FREM1: variants seen among roughly 807,000 people sequenced by gnomAD.
FREM1 encodes the protein FRAS1 related extracellular matrix 1.
FREM1 carries 220 observed loss-of-function variants against 210.1 expected under a neutral mutation model. The ratio of observed to expected loss-of-function variants is 1.05; its 90% confidence interval spans 0.94 to 1.17. The LOEUF (loss-of-function observed/expected upper bound fraction) is 1.17. FREM1 is among the 50% of genes most tolerant of loss of function. FREM1 has a pLI of 0.00. For synonymous variants in FREM1, 1,189 were observed against 980.2 expected (o/e 1.21, Z -3.98); for missense variants, 3,454 against 2,675.5 (o/e 1.29, Z -6.42).
At chr9:14,907,500 C>G (rs1478552232) in intron 1 of FREM1, among the ~76,000 whole-genome samples, 2 of 152,182 alleles carry the variant, frequency 1.3e-5, no homozygotes, top group African/African-American at 2.4e-5. Flanking sequence ...AAGCCCTGTT[C>G]AGACCACCCA....
At chr9:14,749,187 T>C (rs545672966) in intron 30 of FREM1, among the ~76,000 whole-genome samples, 1 of 152,120 alleles carries the variant, frequency 6.6e-6, no homozygotes, top group African/African-American at 2.4e-5. Context: ...CATAAAAAAT[T>C]TGAGGGCAAA....
chr9:14,856,287 G>A lies in FREM1; in HGVS notation c.828+1266C>T, dbSNP rs1198279700. Among the ~76,000 whole-genome samples, 5 of 152,182 alleles carry A rather than the reference G, an allele frequency of 3.3e-5. No individual in the cohort carries two copies. In the East Asian group the frequency reaches 9.6e-4, roughly 29 times the overall value. On this transcript the variant is annotated intron_variant, in intron 5 of 36. Coordinates refer to ENST00000380880, the MANE Select transcript of FREM1 (RefSeq NM_001379081.2). ...TGAACCCAGGCAATCTGGGCCCAGC[G>A]TCCATGCTCTTAACTATTATTTGGA...
chr9:14,834,423 G>A (rs1191050471), intron 10 of FREM1, among the ~76,000 whole-genome samples: 3 of 152,118 alleles, frequency 2.0e-5, no homozygotes, highest in Non-Finnish European at 4.4e-5. Context: ...GTTACAAAAG[G>A]TTTGTAAAAA....
chr9:14,841,665 C>G, intron 9 of FREM1, 76 bp from the exon 10 acceptor site: 1 of 1,157,358 alleles, frequency 8.6e-7, no homozygotes, highest in Non-Finnish European at 1.2e-6. Flanking sequence ...TTGGACTTAT[C>G]TTCAAAAGTC....
rs984541161 is a variant in FREM1, at chr9:14,816,785, T to C, written c.2633A>G (p.His878Arg). Residue 878 changes from histidine to arginine, a missense_variant, in exon 15 of 37, where the codon CAT becomes CGT. Transcript: ENST00000380880. The part of the protein sequence containing the change: ...DGTNSAEFVL[H>R]VEVFPVNDEP... ...AAGAAACTTTCTACCCACCTCAACA[T>C]GTAGTACAAATTCTGCTGAATTTGT... The C allele has an allele frequency of 1.4e-6, 2 of 1,405,560 alleles. No individual in the cohort carries two copies. The highest frequency in any genetic ancestry group is 2.0e-5 in the Admixed American group (1 of 49,448). 87.1% of individuals were successfully genotyped at this position (1,405,560 alleles called of 1,614,324 possible). A position where few individuals can be genotyped will look rare whatever the true frequency, so the allele number is the denominator to read the frequency against.
intron 1 of FREM1, among the ~76,000 whole-genome samples, chr9:14,885,329 A>T (rs1286284621): frequency 1.3e-5 from 2 of 152,060 alleles, no homozygotes; most frequent in Non-Finnish European, 2.9e-5. Context: ...GCTTGCAGTT[A>T]TTACCCCTTG....
chr9:14,757,278 G>A (rs773043433), intron 28 of FREM1, among the ~76,000 whole-genome samples: 8 of 152,196 alleles, frequency 5.3e-5, no homozygotes, highest in Non-Finnish European at 8.8e-5. Context: ...TCCTTGAGCC[G>A]GCACGGTGGC....
chr9:14,774,644 G>C (rs1848248460), intron 25 of FREM1, among the ~76,000 whole-genome samples: 1 of 152,006 alleles, frequency 6.6e-6, no homozygotes, highest in Non-Finnish European at 1.5e-5. Flanking sequence ...TTTGTGTTTG[G>C]TGTGAGTGTG....
In FREM1 at chr9:14,757,757, G is replaced by C. The variant is rs1000006837; in HGVS notation, c.5335-1311C>G. ...AAAAATTCCTACTTCTATGGCCTCA[G>C]ACAATATGTCCATTTCAAATCAAAG... On this transcript the variant is annotated intron_variant, in intron 28 of 36. Transcript: ENST00000380880. Among the ~76,000 whole-genome samples, 5 of 152,180 alleles carry C rather than the reference G, an allele frequency of 3.3e-5. 1 individual carries two copies. The highest frequency in any genetic ancestry group is 7.3e-5 in the Non-Finnish European group (5 of 68,036).
Position 14,789,039 on chromosome 9 carries a change from A to G in FREM1, c.4057T>C (p.Tyr1353His). Residue 1353 changes from tyrosine to histidine, a missense_variant, in exon 23 of 37, where the codon TAC becomes CAC. By Grantham distance (83) the Tyr-to-His change is moderately conservative. Coordinates refer to ENST00000380880, the MANE Select transcript of FREM1 (RefSeq NM_001379081.2). ...GAATCCATTGCCCCGGTGTGTGTGT[A>G]TCTCAGCAAGTTCAGATCCACTTCC... ...QEEVDLNLLR[Y>H]THTGAMDSQN... The G allele has an allele frequency of 1.2e-6, 2 of 1,610,662 alleles. No homozygotes were observed. The highest frequency in any genetic ancestry group is 1.7e-6 in the Non-Finnish European group (2 of 1,178,486).
At chr9:14,740,072 A>G (rs1841250528) in intron 36 of FREM1, 77 bp downstream of exon 36, 2 of 820,160 alleles carry the variant, frequency 2.4e-6, no homozygotes, top group Non-Finnish European at 4.1e-6. Context: ...CATGGAAGGA[A>G]GTAGCAGGGT....
At chr9:14,800,734 C>A (rs2133270476) in intron 20 of FREM1, among the ~76,000 whole-genome samples, 1 of 152,234 alleles carries the variant, frequency 6.6e-6, no homozygotes, top group Admixed American at 6.5e-5. Flanking sequence ...GTTGCCTTTT[C>A]AATTACCTAC....
intron 1 of FREM1, among the ~76,000 whole-genome samples, chr9:14,901,124 T>C (rs1331188902): frequency 6.6e-6 from 1 of 152,136 alleles, no homozygotes; most frequent in African/African-American, 2.4e-5. Flanking sequence ...AAGGCTAAAG[T>C]TTTTCATGCT....
chr9:14,884,966 C>T (rs906933155), intron 1 of FREM1, among the ~76,000 whole-genome samples: 5 of 128,128 alleles, frequency 3.9e-5, no homozygotes, highest in Non-Finnish European at 7.7e-5. Flanking sequence ...GCTCTGTCGC[C>T]CAGGCTGGAG....
intron 20 of FREM1, among the ~76,000 whole-genome samples, chr9:14,798,920 C>T (rs148891140): frequency 6.6e-6 from 1 of 152,146 alleles, no homozygotes; most frequent in East Asian, 2.0e-4. Flanking sequence ...GTGATCCACC[C>T]ATCCTGGCCT....
intron 21 of FREM1, among the ~76,000 whole-genome samples, chr9:14,793,640 T>C (rs1851811825): frequency 6.6e-6 from 1 of 152,188 alleles, no homozygotes; most frequent in Admixed American, 6.5e-5. Context: ...CCACCAGGGT[T>C]TCTAGCTCTC....
rs368478626 is a variant in FREM1, at chr9:14,868,732, G to C, written c.234+12C>G. 9 of 1,560,748 alleles carry C rather than the reference G, an allele frequency of 5.8e-6. No homozygotes were observed. Among genetic ancestry groups the C allele is most frequent in the Non-Finnish European group, 7.9e-6 (9 of 1,136,868 alleles). On this transcript the variant is annotated intron_variant, in intron 2 of 36. Coordinates refer to ENST00000380880, the MANE Select transcript of FREM1 (RefSeq NM_001379081.2). ...ACACACGACTGAACAGAAAATCGCA[G>C]ATAGGACCTACCTGTGGAGTGAGTT...
chr9:14,834,533 C>T (rs10121165), intron 10 of FREM1, among the ~76,000 whole-genome samples: 1,655 of 152,082 alleles, frequency 0.011, 26 homozygotes, highest in African/African-American at 0.036. Context: ...AGCTTTAAAC[C>T]GAATTTTCAT....
chr9:14,878,401 C>T (rs1834164730), intron 1 of FREM1, among the ~76,000 whole-genome samples: 1 of 152,130 alleles, frequency 6.6e-6, no homozygotes, highest in Admixed American at 6.5e-5. Flanking sequence ...ATATCCCTCC[C>T]TCCACCTCTC....
Sources: gnomAD v4.1 joint callset for allele counts (sites outside exome capture counted in the v4.1 genomes callset) on GRCh38, gnomAD v4.1.1 for gene constraint, MANE v1.5 for transcripts, NCBI Gene and HGNC (gene_info 2026-07-23, HGNC 2026-07-21) for gene names.